PCDH7: variants seen among roughly 807,000 people sequenced by gnomAD.
The protein encoded by PCDH7 is protocadherin-7.
In PCDH7, 17 loss-of-function variants were observed where a neutral mutation model predicts 58.9. That is an observed-to-expected ratio of 0.29 (90% confidence interval 0.20 to 0.43). The LOEUF is 0.43. Among genes scored for constraint, PCDH7 ranks in the 20% least tolerant of loss-of-function variants. The probability of loss-of-function intolerance (pLI) is 1.00; values close to 1 mark genes in which losing one functional copy is unlikely to be tolerated. For missense variants in PCDH7, 1,274 were observed against 1,441.0 expected (o/e 0.88, Z 1.88); for synonymous variants, 664 against 616.4 (o/e 1.08, Z -1.14).
chr4:31,077,716 A>G (rs1289567797), intron 3 of PCDH7, among the ~76,000 whole-genome samples: 1 of 152,130 alleles, frequency 6.6e-6, no homozygotes, highest in Admixed American at 6.5e-5. Context: ...CACCTTCTAC[A>G]ATGGAATTGA....
intron 2 of PCDH7, among the ~76,000 whole-genome samples, chr4:30,921,791 AATAT>A (rs1379738375): frequency 6.6e-6 from 1 of 151,730 alleles, no homozygotes. Context: ...AATGCTGATG[AATAT>A]ATATTTAAGG....
intron 3 of PCDH7, among the ~76,000 whole-genome samples, chr4:31,102,416 G>A (rs1220094289): frequency 6.6e-6 from 1 of 152,064 alleles, no homozygotes; most frequent in African/African-American, 2.4e-5. Flanking sequence ...ATGAGGAAAA[G>A]CATTTGTAAA....
At chr4:30,916,170 A>G (rs1742448387) in intron 1 of PCDH7, among the ~76,000 whole-genome samples, 2 of 152,254 alleles carry the variant, frequency 1.3e-5, no homozygotes, top group East Asian at 1.9e-4. Flanking sequence ...AATCAGCTAC[A>G]TGGGCTTTCT....
At chr4:31,008,370 T>C (rs1020806764) in intron 3 of PCDH7, among the ~76,000 whole-genome samples, 1 of 152,168 alleles carries the variant, frequency 6.6e-6, no homozygotes, top group Non-Finnish European at 1.5e-5. Context: ...TTCGTAAAAA[T>C]AGACTTATTT....
chr4:30,991,081 C>G (rs1328895005), intron 3 of PCDH7, among the ~76,000 whole-genome samples: 1 of 152,102 alleles, frequency 6.6e-6, no homozygotes, highest in African/African-American at 2.4e-5. Context: ...TCACGATACA[C>G]CGGGTTCTTT....
intron 1 of PCDH7, among the ~76,000 whole-genome samples, chr4:30,824,103 CTTT>C (rs1728750866): frequency 3.9e-5 from 5 of 128,686 alleles, no homozygotes; most frequent in South Asian, 2.9e-4. Context: ...TTCTTTCTTT[CTTT>C]CTTTCTTTCT....
At chr4:30,794,403 T>C (rs1298001880) in intron 1 of PCDH7, among the ~76,000 whole-genome samples, 1 of 152,232 alleles carries the variant, frequency 6.6e-6, no homozygotes, top group Non-Finnish European at 1.5e-5. Context: ...TCCTTTGAAT[T>C]TGTATAATAC....
At chr4:30,865,273 T>C (rs1229347719) in intron 1 of PCDH7, among the ~76,000 whole-genome samples, 2 of 152,102 alleles carry the variant, frequency 1.3e-5, no homozygotes, top group Non-Finnish European at 2.9e-5. Flanking sequence ...AAATTTGAAA[T>C]GTTTGAACAT....
chr4:30,845,112 C>A (rs1432357653), intron 1 of PCDH7, among the ~76,000 whole-genome samples: 1 of 152,086 alleles, frequency 6.6e-6, no homozygotes, highest in Non-Finnish European at 1.5e-5. Flanking sequence ...TCCTTTGGAG[C>A]AGTAATGGTG....
chr4:31,115,214 T>C (rs189947192), intron 3 of PCDH7, among the ~76,000 whole-genome samples: 202 of 152,334 alleles, frequency 1.3e-3, no homozygotes, highest in African/African-American at 4.2e-3. Flanking sequence ...GAAATGCATG[T>C]ATTGAATGAT....
At chr4:30,954,379 A>G (rs2109451281) in intron 3 of PCDH7, among the ~76,000 whole-genome samples, 1 of 152,254 alleles carries the variant, frequency 6.6e-6, no homozygotes. Context: ...GTGACTTTGT[A>G]CAATATTCTC....
chr4:31,099,538 C>T (rs1168364733), intron 3 of PCDH7, among the ~76,000 whole-genome samples: 2 of 152,176 alleles, frequency 1.3e-5, no homozygotes, highest in African/African-American at 2.4e-5. Context: ...TATACATATG[C>T]TTGCAGATAT....
At chr4:30,883,922 T>C (rs1357746629) in intron 1 of PCDH7, among the ~76,000 whole-genome samples, 1 of 152,208 alleles carries the variant, frequency 6.6e-6, no homozygotes. Context: ...GAGGTAACTG[T>C]GGCAGCAGCC....
chr4:31,142,761 C>G lies in PCDH7; in HGVS notation c.*296C>G, dbSNP rs772838477. ...GCTAGTTTCAGCAAAAATGAGGAAG[C>G]CAACCCTGAGGATATTCCCCTTACA... On this transcript the variant is annotated 3_prime_UTR_variant, in exon 4 of 4. Transcript: ENST00000509759. 4 of 1,367,412 alleles carry G rather than the reference C, an allele frequency of 2.9e-6. No homozygotes were observed. In the South Asian group the frequency reaches 3.4e-5, roughly 12 times the overall value. The allele number at this position is 1,367,412 out of a possible 1,614,324, so 84.7% of individuals were successfully genotyped here. A position where few individuals can be genotyped will look rare whatever the true frequency, so the allele number is the denominator to read the frequency against.
At chr4:30,897,047 G>T (rs1306876410) in intron 1 of PCDH7, among the ~76,000 whole-genome samples, 2 of 151,564 alleles carry the variant, frequency 1.3e-5, no homozygotes, top group Admixed American at 6.6e-5. Context: ...TGGGACTACA[G>T]GCGCCCACCA....
chr4:30,847,263 A>G (rs11934948), intron 1 of PCDH7, among the ~76,000 whole-genome samples: 13,594 of 152,230 alleles, frequency 0.089, 771 homozygotes, highest in Non-Finnish European at 0.12. Flanking sequence ...ACAGATGCAG[A>G]TTTACACCCT....
At chr4:30,865,920 A>T (rs910490801) in intron 1 of PCDH7, among the ~76,000 whole-genome samples, 1 of 152,094 alleles carries the variant, frequency 6.6e-6, no homozygotes, top group East Asian at 1.9e-4. Context: ...TAGCAGATGC[A>T]TTCTTATCCT....
At chr4:31,071,250 T>A (rs114198046) in intron 3 of PCDH7, among the ~76,000 whole-genome samples, 2,378 of 152,170 alleles carry the variant, frequency 0.016, 62 homozygotes, top group African/African-American at 0.054. Flanking sequence ...GAGGCTGTTA[T>A]TCTCCCAAAA....
intron 1 of PCDH7, among the ~76,000 whole-genome samples, chr4:30,831,744 T>A (rs1177936882): frequency 6.6e-6 from 1 of 152,134 alleles, no homozygotes; most frequent in Non-Finnish European, 1.5e-5. Flanking sequence ...CCTATTTTCA[T>A]ACCAGCTACT....
Sources: allele counts gnomAD v4.1 joint callset (sites outside exome capture counted in the v4.1 genomes callset), GRCh38; gene constraint gnomAD v4.1.1; transcripts MANE v1.5; gene names NCBI Gene and HGNC (gene_info 2026-07-23, HGNC 2026-07-21).